Variants in ADK observed in about 807,000 individuals in gnomAD.
ADK encodes adenosine kinase.
A neutral mutation model predicts 44.7 loss-of-function variants in ADK; 24 were observed. The observed-to-expected ratio is 0.54, with a 90% CI of 0.39 to 0.76. The LOEUF (loss-of-function observed/expected upper bound fraction) is 0.76, where lower values mean the gene tolerates loss of function less well. Among genes scored for constraint, ADK ranks in the 30% least tolerant of loss-of-function variants. The pLI is 0.00. For synonymous variants in ADK, 128 were observed against 142.6 expected (o/e 0.90, Z 0.73); for missense variants, 321 against 425.1 (o/e 0.76, Z 2.15).
intron 3 of ADK, among the ~76,000 whole-genome samples, chr10:74,308,564 G>A (rs1160755091): frequency 6.6e-6 from 1 of 152,046 alleles, no homozygotes. Context: ...ATCTTAATAA[G>A]TATAACCTGT....
intron 3 of ADK, among the ~76,000 whole-genome samples, 197 bp downstream of exon 3, chr10:74,224,788 T>C (rs181738631): frequency 6.6e-6 from 1 of 152,372 alleles, no homozygotes; most frequent in Non-Finnish European, 1.5e-5. Context: ...TAATTTCTCC[T>C]GTATTCACAT....
chr10:74,695,528 A>C (rs1856152565), intron 10 of ADK, among the ~76,000 whole-genome samples: 1 of 149,756 alleles, frequency 6.7e-6, no homozygotes, highest in South Asian at 2.1e-4. Flanking sequence ...ATGTATATGT[A>C]TATATGTATG....
At chr10:74,643,488 T>C (rs1218558755) in intron 9 of ADK, among the ~76,000 whole-genome samples, 1 of 152,226 alleles carries the variant, frequency 6.6e-6, no homozygotes, top group Non-Finnish European at 1.5e-5. Context: ...ACTAAATTTT[T>C]ACTTTCAATT....
At chr10:74,503,745 A>C (rs1029729493) in intron 6 of ADK, among the ~76,000 whole-genome samples, 2 of 152,170 alleles carry the variant, frequency 1.3e-5, no homozygotes, top group Admixed American at 1.3e-4. Context: ...GTTTAAGTTG[A>C]TGGAGAAGGA....
At chr10:74,564,027 A>C in intron 7 of ADK, among the ~76,000 whole-genome samples, 1 of 151,430 alleles carries the variant, frequency 6.6e-6, no homozygotes. Flanking sequence ...ATATCTCCCA[A>C]TGCTATCCCT....
At chr10:74,561,190 A>T (rs188267699) in intron 7 of ADK, among the ~76,000 whole-genome samples, 31 of 152,336 alleles carry the variant, frequency 2.0e-4, no homozygotes, top group African/African-American at 7.5e-4. Context: ...GTAAGTGGTC[A>T]TCTGTGAGTT....
Position 74,646,894 on chromosome 10 carries a change from A to G in ADK, c.878-23289A>G, listed in dbSNP as rs529551107. Among the ~76,000 whole-genome samples the G allele has an allele frequency of 3.9e-5, 6 of 152,302 alleles. No individual in the cohort carries two copies. The East Asian group carries it at 5.8e-4, about 15-fold the overall frequency. ...GCTGGCTAGTCTGAAAAGTTTGTCT[A>G]TTTTAATCATGAAAATCTCACATTT... On this transcript the variant is annotated intron_variant, in intron 9 of 10. Transcript: ENST00000539909.
chr10:74,244,492 A>G (rs1488299518), intron 3 of ADK, among the ~76,000 whole-genome samples: 1 of 152,206 alleles, frequency 6.6e-6, no homozygotes, highest in Non-Finnish European at 1.5e-5. Context: ...TTAATATGCC[A>G]GATAACCTTT....
chr10:74,543,434 C>A (rs1042952627), intron 7 of ADK, among the ~76,000 whole-genome samples: 1 of 152,166 alleles, frequency 6.6e-6, no homozygotes. Context: ...GACATTAAGA[C>A]TGTTTCCAGA....
intron 4 of ADK, among the ~76,000 whole-genome samples, chr10:74,332,119 A>G (rs1351824223): frequency 1.3e-5 from 2 of 152,206 alleles, no homozygotes; most frequent in African/African-American, 2.4e-5. Context: ...AGGCCTCCCA[A>G]AGTGCTGGGA....
In ADK at chr10:74,260,987, A is replaced by G. The variant is rs926807446; in HGVS notation, c.194+36396A>G. ...GTGTATTCAGCTTTTCTGATTAACC[A>G]ATTTTAGATGTTATCTATTGACCTT... is the stretch of plus-strand genomic sequence containing the variant. On this transcript the variant is annotated intron_variant, in intron 3 of 10. Transcript: ENST00000539909. Among the ~76,000 whole-genome samples, 14 of 152,310 alleles carry G rather than the reference A, an allele frequency of 9.2e-5. No homozygotes were observed. In the South Asian group the frequency reaches 1.9e-3, roughly 20 times the overall value.
At chr10:74,658,609 A>AT (rs890539014) in intron 9 of ADK, among the ~76,000 whole-genome samples, 89 of 151,500 alleles carry the variant, frequency 5.9e-4, no homozygotes, top group African/African-American at 2.1e-3. Flanking sequence ...CTGGCTTTTA[A>AT]TTTTTTTTGT....
intron 9 of ADK, among the ~76,000 whole-genome samples, chr10:74,657,691 G>A (rs1854537998): frequency 6.6e-6 from 1 of 152,142 alleles, no homozygotes; most frequent in Admixed American, 6.5e-5. Context: ...AGCAATAATT[G>A]TTAATTGAGC....
intron 7 of ADK, among the ~76,000 whole-genome samples, chr10:74,566,625 G>A (rs1850677974): frequency 6.6e-6 from 1 of 152,120 alleles, no homozygotes; most frequent in African/African-American, 2.4e-5. Flanking sequence ...CTTAAACATA[G>A]TAAGATTTAG....
intron 6 of ADK, among the ~76,000 whole-genome samples, chr10:74,444,938 G>C (rs866709702): frequency 6.6e-6 from 1 of 151,930 alleles, no homozygotes; most frequent in South Asian, 2.1e-4. Context: ...ACATGCAGAA[G>C]ATTAAAGGTG....
intron 1 of ADK, among the ~76,000 whole-genome samples, chr10:74,153,412 G>A (rs947973189): frequency 1.3e-5 from 2 of 152,212 alleles, no homozygotes; most frequent in Non-Finnish European, 2.9e-5. Flanking sequence ...CGGTGTTGAG[G>A]TTGAGAAATC....
intron 1 of ADK, among the ~76,000 whole-genome samples, chr10:74,171,808 C>CTGTGTGTGTG (rs548797359): frequency 8.4e-5 from 12 of 142,618 alleles, no homozygotes; most frequent in African/African-American, 3.4e-4. Context: ...CTCTCTGTCT[C>CTGTGTGTGTG]TCTGTGTGTG....
chr10:74,169,782 T>C (rs1397200645), intron 1 of ADK, among the ~76,000 whole-genome samples: 1 of 152,308 alleles, frequency 6.6e-6, no homozygotes, highest in East Asian at 1.9e-4. Context: ...TAACTAAAAT[T>C]GCATTAAAAT....
In ADK at chr10:74,613,277, A is replaced by G. The variant is rs1422083673; in HGVS notation, c.877+12784A>G. ...AAATGTTCCCTTTGGTGATATAGCA[A>G]TGCTGTCTATCCTCCACCTGTCACT... On this transcript the variant is annotated intron_variant, in intron 9 of 10. Coordinates refer to ENST00000539909, the MANE Select transcript of ADK (RefSeq NM_006721.4). Among the ~76,000 whole-genome samples, 3 of 152,066 alleles carry G rather than the reference A, an allele frequency of 2.0e-5. 1 individual carries two copies. The highest frequency in any genetic ancestry group is 4.8e-5 in the African/African-American group (2 of 41,422).
Sources: gnomAD v4.1 joint callset for allele counts (sites outside exome capture counted in the v4.1 genomes callset) on GRCh38, gnomAD v4.1.1 for gene constraint, MANE v1.5 for transcripts, NCBI Gene and HGNC (gene_info 2026-07-23, HGNC 2026-07-21) for gene names.